RCL1: variants seen among roughly 807,000 people sequenced by gnomAD.
RCL1 encodes RNA terminal phosphate cyclase like 1.
Under a neutral mutation model 42.4 loss-of-function variants are expected in RCL1, and 24 were observed. That is an observed-to-expected ratio of 0.57 (90% CI 0.41 to 0.80). The LOEUF (loss-of-function observed/expected upper bound fraction) is 0.80, where lower values mean the gene tolerates loss of function less well. Among genes scored for constraint, RCL1 ranks in the 30% least tolerant of loss-of-function variants. The pLI is 0.00. For synonymous variants in RCL1, 228 were observed against 177.3 expected (o/e 1.29, Z -2.27); for missense variants, 578 against 467.9 (o/e 1.24, Z -2.17).
chr9:4,794,100 G>A (rs909042257), intron 1 of RCL1, among the ~76,000 whole-genome samples: 3 of 152,188 alleles, frequency 2.0e-5, no homozygotes, highest in African/African-American at 7.2e-5. Flanking sequence ...GTAGTCAGGT[G>A]AAAAAGGAAA....
intron 1 of RCL1, among the ~76,000 whole-genome samples, chr9:4,795,766 C>T (rs1214888666): frequency 6.6e-6 from 1 of 152,208 alleles, no homozygotes; most frequent in Non-Finnish European, 1.5e-5. Flanking sequence ...GTATGGGAGG[C>T]TTTCGGCCTC....
intron 8 of RCL1, among the ~76,000 whole-genome samples, chr9:4,850,941 G>A (rs1263312867): frequency 6.6e-6 from 1 of 152,142 alleles, no homozygotes; most frequent in Non-Finnish European, 1.5e-5. Flanking sequence ...ATGGGGTGTT[G>A]TCTTGAATGT....
At chr9:4,822,246 G>T (rs989306437) in intron 1 of RCL1, among the ~76,000 whole-genome samples, 1 of 152,164 alleles carries the variant, frequency 6.6e-6, no homozygotes, top group Non-Finnish European at 1.5e-5. Flanking sequence ...GGTGACTACT[G>T]GACTGTGTCC....
intron 5 of RCL1, among the ~76,000 whole-genome samples, chr9:4,835,877 G>A (rs1166440686): frequency 2.0e-5 from 3 of 152,166 alleles, no homozygotes. Context: ...TGGGTAAATG[G>A]TTACTACTAT....
At chr9:4,800,517 G>C (rs113694202) in intron 1 of RCL1, among the ~76,000 whole-genome samples, 1 of 151,320 alleles carries the variant, frequency 6.6e-6, no homozygotes, top group African/African-American at 2.4e-5. Flanking sequence ...GCCCAGCCAG[G>C]TTTTTTTATT....
At chr9:4,822,132 A>T (rs1001729181) in intron 1 of RCL1, among the ~76,000 whole-genome samples, 1 of 152,232 alleles carries the variant, frequency 6.6e-6, no homozygotes, top group Non-Finnish European at 1.5e-5. Context: ...CCTTTGTACA[A>T]ATTGCAGAAT....
intron 5 of RCL1, among the ~76,000 whole-genome samples, chr9:4,836,052 A>T (rs1464348236): frequency 6.6e-6 from 1 of 152,120 alleles, no homozygotes; most frequent in Non-Finnish European, 1.5e-5. Flanking sequence ...GCGGGGTAGG[A>T]TAAGAGAGTG....
At chr9:4,846,097 C>G (rs571670517) in intron 7 of RCL1, among the ~76,000 whole-genome samples, 1 of 152,276 alleles carries the variant, frequency 6.6e-6, no homozygotes, top group East Asian at 1.9e-4. Context: ...CTCAGACCAG[C>G]CTCACAGTGG....
chr9:4,794,636 A>G (rs1207607878), intron 1 of RCL1, among the ~76,000 whole-genome samples: 1 of 122,816 alleles, frequency 8.1e-6, no homozygotes, highest in East Asian at 3.0e-4. Context: ...AAAAGTAGGC[A>G]TAACTTTTTT....
chr9:4,815,099 T>C (rs1364535595), intron 1 of RCL1, among the ~76,000 whole-genome samples: 4 of 152,182 alleles, frequency 2.6e-5, no homozygotes, highest in African/African-American at 9.6e-5. Flanking sequence ...GGGAAGACCC[T>C]TTTGGGTTGA....
intron 5 of RCL1, among the ~76,000 whole-genome samples, chr9:4,836,000 A>T (rs896825129): frequency 3.9e-5 from 6 of 152,114 alleles, no homozygotes; most frequent in Non-Finnish European, 5.9e-5. Context: ...ATGAGTTTTC[A>T]GTTGTTACCG....
At position 4,834,196 on chromosome 9, in the gene RCL1, C is replaced by T; in HGVS notation, c.515C>T (p.Pro172Leu). 1.2e-6 allele frequency: 2 copies of T among 1,613,750 alleles called. No individual in the cohort carries two copies. The highest frequency in any genetic ancestry group is 1.7e-6 in the Non-Finnish European group (2 of 1,179,804). Residue 172 changes from proline (P) to leucine (L), a missense_variant, in exon 5 of 9, where the codon CCT (proline) becomes CTT (leucine). Physicochemically the swap from Pro to Leu is moderately conservative, Grantham distance 98. Transcript: ENST00000381750. ...GGAGGCGAAGTGGTTTTCTCATGTC[C>T]TGTGAGGAAGGTCTTGAAGCCCATT... is the stretch of plus-strand genomic sequence containing the variant. The part of the protein sequence containing the change: ...GGGGEVVFSC[P>L]VRKVLKPIQL...
chr9:4,809,037 A>G (rs1171997735), intron 1 of RCL1, among the ~76,000 whole-genome samples: 2 of 151,374 alleles, frequency 1.3e-5, no homozygotes, highest in African/African-American at 4.9e-5. Context: ...CTTTTTCTAT[A>G]TGTGCACTTT....
intron 1 of RCL1, among the ~76,000 whole-genome samples, chr9:4,819,905 TA>T (rs1816531517): frequency 6.6e-6 from 1 of 152,210 alleles, no homozygotes. Context: ...TTTGTACAAA[TA>T]AAAAAATGCA....
At chr9:4,817,603 A>G (rs116546332) in intron 1 of RCL1, among the ~76,000 whole-genome samples, 12 of 150,964 alleles carry the variant, frequency 7.9e-5, no homozygotes, top group Non-Finnish European at 1.6e-4. Flanking sequence ...CTCTACCTCA[A>G]CCCTGCCCCC....
intron 3 of RCL1, 147 bp downstream of exon 3, chr9:4,827,180 A>G: frequency 7.8e-6 from 12 of 1,547,904 alleles, no homozygotes; most frequent in Non-Finnish European, 1.0e-5. Flanking sequence ...GAGGTTAATC[A>G]CTCCAGGAGG....
chr9:4,792,952 T>C lies in RCL1; in HGVS notation c.-140T>C, dbSNP rs1391707425. 1 of 839,520 alleles carries C rather than the reference T, an allele frequency of 1.2e-6. No homozygotes were observed. The highest frequency in any genetic ancestry group is 1.8e-5 in the African/African-American group (1 of 55,766). The allele number at this position is 839,520 out of a possible 1,614,324, so 52.0% of individuals were successfully genotyped here. A position where few individuals can be genotyped will look rare whatever the true frequency, so the allele number is the denominator to read the frequency against. The stretch of plus-strand genomic sequence containing the variant: ...CTCCGTCTTCCTGTTCCAAACCACG[T>C]GGACGCGTCTGGGCTGCTGGAGGCA... On this transcript the variant is annotated 5_prime_UTR_variant, in exon 1 of 9. Coordinates refer to ENST00000381750, the MANE Select transcript of RCL1 (RefSeq NM_005772.5).
At chr9:4,811,430 C>T (rs996511817) in intron 1 of RCL1, among the ~76,000 whole-genome samples, 2 of 152,096 alleles carry the variant, frequency 1.3e-5, no homozygotes, top group Admixed American at 1.3e-4. Context: ...TCCTTCTCCC[C>T]TCCCTTTCCC....
chr9:4,848,931 GC>G (rs1817615140), intron 7 of RCL1, among the ~76,000 whole-genome samples: 1 of 152,138 alleles, frequency 6.6e-6, no homozygotes, highest in East Asian at 1.9e-4. Flanking sequence ...ATAGAGTATG[GC>G]AAGCAGTTTC....
Sources: allele counts gnomAD v4.1 joint callset (sites outside exome capture counted in the v4.1 genomes callset), GRCh38; gene constraint gnomAD v4.1.1; transcripts MANE v1.5; gene names NCBI Gene and HGNC (gene_info 2026-07-23, HGNC 2026-07-21).